The following PPP1R42 variants were observed in gnomAD, a reference collection of about 807,000 sequenced individuals.
PPP1R42 encodes protein phosphatase 1 regulatory subunit 42.
A neutral mutation model predicts 31.0 loss-of-function variants in PPP1R42; 34 were observed. The observed-to-expected ratio is 1.10, with a 90% CI of 0.83 to 1.46. The LOEUF is 1.46. Ranked by LOEUF, PPP1R42 falls within the 40% of genes most tolerant of loss-of-function variation. The pLI is 0.00. For missense variants in PPP1R42, 268 were observed against 303.0 expected, an observed-to-expected ratio of 0.88 and a Z score of 0.86; for synonymous variants, 103 against 109.8, an observed-to-expected ratio of 0.94 and a Z score of 0.39.
At chr8:67,011,753 T>A (rs893270585) in intron 4 of PPP1R42, among the ~76,000 whole-genome samples, 1 of 152,164 alleles carries the variant, frequency 6.6e-6, no homozygotes, top group East Asian at 1.9e-4. Flanking sequence ...CAGGAATCTC[T>A]ACCAAGATGG....
intron 5 of PPP1R42, among the ~76,000 whole-genome samples, chr8:66,992,641 T>C (rs1157783543): frequency 6.6e-6 from 1 of 152,218 alleles, no homozygotes; most frequent in Non-Finnish European, 1.5e-5. Flanking sequence ...TCAAACAGTG[T>C]TGGTTTCCCT....
chr8:66,977,465 G>A (rs1814710851), intron 7 of PPP1R42, among the ~76,000 whole-genome samples: 1 of 151,824 alleles, frequency 6.6e-6, no homozygotes, highest in African/African-American at 2.4e-5. Flanking sequence ...AGCCTCCTGA[G>A]TAGCTGGGAC....
intron 7 of PPP1R42, among the ~76,000 whole-genome samples, chr8:66,976,920 C>CCTTTGG (rs1814692669): frequency 6.6e-6 from 1 of 151,900 alleles, no homozygotes; most frequent in African/African-American, 2.4e-5. Flanking sequence ...GATAGATGGT[C>CCTTTGG]AGTAGTGGGA....
intron 7 of PPP1R42, among the ~76,000 whole-genome samples, chr8:66,975,994 G>T (rs1015094881): frequency 1.3e-5 from 2 of 152,120 alleles, no homozygotes; most frequent in East Asian, 3.9e-4. Flanking sequence ...AAACTGGGCC[G>T]CATAGCAGAA....
intron 6 of PPP1R42, among the ~76,000 whole-genome samples, chr8:66,987,287 C>CTTTTTTTTT (rs71249412): frequency 9.4e-6 from 1 of 106,008 alleles, no homozygotes; most frequent in African/African-American, 3.8e-5. Context: ...AGCAAATGAT[C>CTTTTTTTTT]TTTTTTTTTT....
At chr8:66,968,593 G>T in intron 7 of PPP1R42, 1 of 543,590 alleles carries the variant, frequency 1.8e-6, no homozygotes, top group Non-Finnish European at 2.3e-6. Context: ...TTGTGTTTAG[G>T]CTGAGTATTT....
At position 67,023,838 on chromosome 8, in the gene PPP1R42, G is replaced by GT. The variant is rs201069797; in HGVS notation, c.-85+4652dup. Among the ~76,000 whole-genome samples the GT allele has an allele frequency of 8.2e-4, 123 of 150,548 alleles. 1 individual carries two copies. Among genetic ancestry groups the GT allele is most frequent in the African/African-American group, 2.6e-3 (108 of 41,046 alleles). On this transcript the variant is annotated intron_variant, in intron 1 of 7. Transcript: ENST00000685739. The stretch of plus-strand genomic sequence containing the variant: ...TTTTTTAGTATGATATTTGCTGTAA[G>GT]TTTTTTTTTAAGATAGCCATACTCA...
intron 5 of PPP1R42, among the ~76,000 whole-genome samples, chr8:66,994,216 T>C (rs1815271534): frequency 6.6e-6 from 1 of 152,156 alleles, no homozygotes; most frequent in African/African-American, 2.4e-5. Flanking sequence ...CAAAAGTTGC[T>C]TGGCTACCCA....
Position 66,998,573 on chromosome 8 carries a change from C to G in PPP1R42, c.553-10056G>C, listed in dbSNP as rs576710912. 2.0e-5 allele frequency among the ~76,000 whole-genome samples: 3 copies of G among 152,314 alleles called. No individual in the cohort carries two copies. In the South Asian group the frequency reaches 6.2e-4, roughly 32 times the overall value. On this transcript the variant is annotated intron_variant, in intron 5 of 7. Coordinates refer to ENST00000685739, the MANE Select transcript of PPP1R42 (RefSeq NM_001364910.1). ...TTTGGCCTTATTGCACTGGCTAAGA[C>G]AGGTGCAACTCTAAGGTTGAGTAAT...
intron 7 of PPP1R42, among the ~76,000 whole-genome samples, chr8:66,979,233 G>A (rs1173049687): frequency 6.6e-6 from 1 of 152,104 alleles, no homozygotes; most frequent in Non-Finnish European, 1.5e-5. Flanking sequence ...TTTGCTTAGG[G>A]TGATAGCTAG....
intron 1 of PPP1R42, among the ~76,000 whole-genome samples, chr8:67,024,214 G>GT (rs530464784): frequency 8.3e-4 from 126 of 152,126 alleles, no homozygotes; most frequent in African/African-American, 2.9e-3. Flanking sequence ...AGTTTGTAAA[G>GT]TTTTTTTTAA....
intron 7 of PPP1R42, among the ~76,000 whole-genome samples, chr8:66,976,021 G>A (rs1423463285): frequency 6.6e-6 from 1 of 152,214 alleles, no homozygotes; most frequent in East Asian, 1.9e-4. Flanking sequence ...TGGCAGGTAA[G>A]CGAATGAAGC....
Position 67,017,771 on chromosome 8 carries a change from C to A in PPP1R42, c.-24G>T. 1 of 1,556,962 alleles carries A rather than the reference C, an allele frequency of 6.4e-7. No individual in the cohort carries two copies. Among genetic ancestry groups the A allele is most frequent in the African/African-American group, 1.4e-5 (1 of 72,694 alleles). ...ATAATTTCTTTATAAATCAAACTCT[C>A]AGCAAAAGCTCTGTTTTGACACCAT... On this transcript the variant is annotated 5_prime_UTR_variant, in exon 2 of 8. An upstream open reading frame in the 5' UTR loses its in-frame stop. Coordinates refer to ENST00000685739, the MANE Select transcript of PPP1R42 (RefSeq NM_001364910.1).
At position 67,010,614 on chromosome 8, in the gene PPP1R42, G is replaced by A. The variant is rs111647328; in HGVS notation, c.552+101C>T. ...TAGCTAATTTTAGAACAAATCCAGAGTAGTTTTTAATGTGATATATTTATT... is the reference window on the plus strand; with the variant it reads ...TAGCTAATTTTAGAACAAATCCAGAATAGTTTTTAATGTGATATATTTATT... On this transcript the variant is annotated intron_variant, in intron 5 of 7. Coordinates refer to ENST00000685739, the MANE Select transcript of PPP1R42 (RefSeq NM_001364910.1). 1,234 of 765,406 alleles carry A rather than the reference G, an allele frequency of 1.6e-3. 14 individuals carry two copies. In the African/African-American group the frequency reaches 0.02, roughly 12 times the overall value. The allele number at this position is 765,406 out of a possible 1,614,324, so 47.4% of individuals were successfully genotyped here. A position where few individuals can be genotyped will look rare whatever the true frequency, so the allele number is the denominator to read the frequency against.
At chr8:67,010,523 T>C in intron 5 of PPP1R42, 192 bp downstream of exon 5, 1 of 518,062 alleles carries the variant, frequency 1.9e-6, no homozygotes, top group Non-Finnish European at 3.3e-6. Flanking sequence ...TATTGGAGTA[T>C]AAAGGAGAAA....
At chr8:67,022,361 T>C (rs1278157153) in intron 1 of PPP1R42, among the ~76,000 whole-genome samples, 1 of 152,230 alleles carries the variant, frequency 6.6e-6, no homozygotes. Flanking sequence ...AGTTCTGCTT[T>C]TCTAAGAAAT....
chr8:66,990,641 G>A (rs1216536876), intron 5 of PPP1R42, among the ~76,000 whole-genome samples: 2 of 152,174 alleles, frequency 1.3e-5, no homozygotes, highest in Admixed American at 1.3e-4. Flanking sequence ...CTCCTTTCTA[G>A]GCGTCTGCAG....
rs1036875799 is a variant in PPP1R42 at position 66,982,175 on chromosome 8, G to T, written c.676C>A (p.Leu226Ile). 5.0e-6 allele frequency: 7 copies of T among 1,394,952 alleles called. No homozygotes were observed. In the African/African-American group the frequency reaches 8.8e-5, roughly 18 times the overall value. 86.4% of individuals were successfully genotyped at this position (1,394,952 alleles called of 1,614,324 possible). Reference protein sequence around the residue: ...LILVSKSLEFLDGKEIKNIER... With the variant: ...LILVSKSLEFIDGKEIKNIER... ...ATATTTTTAATTTCTTTTCCATCAA[G>T]AAATTCTGGAGAAAAATACATACAT... Residue 226 changes from leucine (L) to isoleucine (I), a missense_variant, in exon 7 of 8, where the codon CTT (leucine) becomes ATT (isoleucine). Physicochemically the swap from Leu to Ile is conservative, Grantham distance 5. Coordinates refer to ENST00000685739, the MANE Select transcript of PPP1R42 (RefSeq NM_001364910.1).
At chr8:67,025,113 T>G (rs1410663914) in intron 1 of PPP1R42, among the ~76,000 whole-genome samples, 1 of 147,276 alleles carries the variant, frequency 6.8e-6, no homozygotes, top group East Asian at 2.1e-4. Context: ...AATTTTTTAT[T>G]TTTTTTATTT....
Sources: allele counts gnomAD v4.1 joint callset (sites outside exome capture counted in the v4.1 genomes callset), GRCh38; gene constraint gnomAD v4.1.1; transcripts MANE v1.5; gene names NCBI Gene and HGNC (gene_info 2026-07-23, HGNC 2026-07-21).